The following CADPS variants were observed in gnomAD, a reference collection of about 807,000 sequenced individuals.
CADPS encodes the protein calcium-dependent secretion activator 1.
Under a neutral mutation model 167.3 loss-of-function variants are expected in CADPS, and 57 were observed. The observed-to-expected ratio is 0.34, with a 90% CI of 0.28 to 0.42. The LOEUF is 0.42. CADPS is among the 20% of genes least tolerant of loss of function. The probability of loss-of-function intolerance (pLI) is 1.00; values close to 1 mark genes in which losing one functional copy is unlikely to be tolerated. For synonymous variants in CADPS, 676 were observed against 635.3 expected, an observed-to-expected ratio of 1.06 and a Z score of -0.96; for missense variants, 1,414 against 1,738.1, an observed-to-expected ratio of 0.81 and a Z score of 3.32.
intron 3 of CADPS, among the ~76,000 whole-genome samples, chr3:62,678,422 G>T (rs1393986976): frequency 1.3e-5 from 2 of 151,928 alleles, no homozygotes; most frequent in African/African-American, 4.8e-5. Context: ...TAAGTTTTTA[G>T]GTTTGCTAAT....
chr3:62,857,339 T>G (rs867626249), intron 1 of CADPS, among the ~76,000 whole-genome samples: 18 of 152,092 alleles, frequency 1.2e-4, no homozygotes, highest in African/African-American at 3.9e-4. Context: ...TTTCTACAGA[T>G]GCTTTGGAAA....
chr3:62,623,556 A>G (rs1393492391), intron 6 of CADPS, among the ~76,000 whole-genome samples: 7 of 152,318 alleles, frequency 4.6e-5, no homozygotes, highest in Middle Eastern at 3.4e-3. Context: ...AGAAGATAAT[A>G]TGACCCAAGA....
rs1161683103 is a variant in CADPS, at chr3:62,512,780, A to G, written c.2582-12T>C. 1.2e-6 allele frequency: 2 copies of G among 1,604,000 alleles called. No homozygotes were observed. Among genetic ancestry groups the G allele is most frequent in the African/African-American group, 1.3e-5 (1 of 74,680 alleles). On this transcript the variant is annotated splice_polypyrimidine_tract_variant and intron_variant, in intron 16 of 29. Coordinates refer to ENST00000383710, the MANE Select transcript of CADPS (RefSeq NM_003716.4). ...ATCCTTTTGATTCTCTATTTGAAAGAGAGAGCACAACAAGGAGAGAAGAGA... is the reference window on the plus strand; with the variant it reads ...ATCCTTTTGATTCTCTATTTGAAAGGGAGAGCACAACAAGGAGAGAAGAGA...
At chr3:62,855,328 T>A (rs1159959101) in intron 1 of CADPS, among the ~76,000 whole-genome samples, 2 of 151,950 alleles carry the variant, frequency 1.3e-5, no homozygotes, top group African/African-American at 2.4e-5. Context: ...TCTTAAGACA[T>A]CCTTGATTTT....
Position 62,706,383 on chromosome 3 carries a change from G to A in CADPS, c.889-43989C>T, listed in dbSNP as rs148984601. On this transcript the variant is annotated intron_variant, in intron 3 of 29. Transcript: ENST00000383710. ...TTACTTTCCTCATTAATTTGATCAC[G>A]GACTTTGCAGTAGGGCCCTTTACCA... is the stretch of plus-strand genomic sequence containing the variant. 1.1e-4 allele frequency among the ~76,000 whole-genome samples: 17 copies of A among 152,080 alleles called. No homozygotes were observed. In the East Asian group the frequency reaches 1.4e-3, roughly 12 times the overall value.
At chr3:62,448,255 A>G (rs1347379543) in intron 26 of CADPS, among the ~76,000 whole-genome samples, 1 of 152,196 alleles carries the variant, frequency 6.6e-6, no homozygotes, top group African/African-American at 2.4e-5. Context: ...TGTGATGTTG[A>G]TGCTTAGCAG....
chr3:62,858,024 A>T (rs1386925656), intron 1 of CADPS, among the ~76,000 whole-genome samples: 2 of 152,230 alleles, frequency 1.3e-5, no homozygotes, highest in South Asian at 2.1e-4. Context: ...CAAAATAAAG[A>T]GTTAAGATTA....
intron 3 of CADPS, among the ~76,000 whole-genome samples, chr3:62,662,757 T>C (rs1031320918): frequency 6.6e-6 from 1 of 152,132 alleles, no homozygotes; most frequent in African/African-American, 2.4e-5. Context: ...ATATAACTAT[T>C]AGAAATGTCA....
chr3:62,666,326 G>A (rs910476559), intron 3 of CADPS, among the ~76,000 whole-genome samples: 7 of 152,136 alleles, frequency 4.6e-5, no homozygotes, highest in African/African-American at 1.2e-4. Flanking sequence ...GGCCATCCTC[G>A]CGTGAGGAGC....
chr3:62,849,298 A>G lies in CADPS; in HGVS notation c.441+25291T>C, dbSNP rs1026212621. On this transcript the variant is annotated intron_variant, in intron 1 of 29. Coordinates refer to ENST00000383710, the MANE Select transcript of CADPS (RefSeq NM_003716.4). ...TCTCCTGCCTGATTGCCCTGGCCAG[A>G]ACTTCCAACACTATGTTGAATAGGA... 3.7e-4 allele frequency among the ~76,000 whole-genome samples: 54 copies of G among 147,332 alleles called. 2 individuals are homozygous for G. Among genetic ancestry groups the G allele is most frequent in the African/African-American group, 1.3e-3 (51 of 39,766 alleles).
intron 6 of CADPS, among the ~76,000 whole-genome samples, chr3:62,596,416 G>A (rs1191697510): frequency 6.6e-6 from 1 of 151,754 alleles, no homozygotes; most frequent in Admixed American, 6.6e-5. Flanking sequence ...CAGGCTGGTT[G>A]CGAACTCCTG....
chr3:62,866,383 G>A (rs954398001), intron 1 of CADPS, among the ~76,000 whole-genome samples: 3 of 152,066 alleles, frequency 2.0e-5, no homozygotes, highest in East Asian at 3.9e-4. Context: ...TCAGTGTGAA[G>A]TCTCAACAGT....
At chr3:62,715,030 T>A (rs144784603) in intron 3 of CADPS, among the ~76,000 whole-genome samples, 6 of 152,338 alleles carry the variant, frequency 3.9e-5, no homozygotes, top group African/African-American at 1.4e-4. Flanking sequence ...TCATAACGGT[T>A]TCCTGCCTAT....
intron 3 of CADPS, among the ~76,000 whole-genome samples, chr3:62,690,682 A>G (rs1168892504): frequency 6.6e-6 from 1 of 151,836 alleles, no homozygotes; most frequent in Non-Finnish European, 1.5e-5. Context: ...AGAAACCTAA[A>G]TTAATGCTTA....
intron 1 of CADPS, among the ~76,000 whole-genome samples, chr3:62,867,308 T>C (rs1001805693): frequency 2.0e-5 from 3 of 152,030 alleles, no homozygotes; most frequent in African/African-American, 7.2e-5. Flanking sequence ...GATCCCATCA[T>C]TTACCAATTG....
intron 4 of CADPS, among the ~76,000 whole-genome samples, chr3:62,657,948 G>T (rs1451261957): frequency 6.6e-6 from 1 of 152,106 alleles, no homozygotes; most frequent in Non-Finnish European, 1.5e-5. Context: ...TGAATTCTAG[G>T]AGCCAAATCT....
chr3:62,592,358 C>T (rs2086243613), intron 7 of CADPS, among the ~76,000 whole-genome samples: 1 of 152,138 alleles, frequency 6.6e-6, no homozygotes, highest in Non-Finnish European at 1.5e-5. Context: ...AATCTTAACT[C>T]TAAAGGATGT....
At position 62,399,599 on chromosome 3, in the gene CADPS, A is replaced by C. The variant is rs772619002; in HGVS notation, c.3883-14T>G. Reference sequence around the variant, plus strand: ...TCTGTAGGTTTTCTAAGGAAGGAAAAGATACAGTGATAAGAGAGATCTCAT... The same window carrying C: ...TCTGTAGGTTTTCTAAGGAAGGAAACGATACAGTGATAAGAGAGATCTCAT... On this transcript the variant is annotated splice_polypyrimidine_tract_variant and intron_variant, in intron 29 of 29. Coordinates refer to ENST00000383710, the MANE Select transcript of CADPS (RefSeq NM_003716.4). The surrounding 1 kb of genome is among the most constrained non-coding windows in gnomAD (Gnocchi z 5.6). 9 of 1,610,054 alleles carry C rather than the reference A, an allele frequency of 5.6e-6. No homozygotes were observed. The highest frequency in any genetic ancestry group is 2.7e-5 in the African/African-American group (2 of 74,366).
intron 3 of CADPS, among the ~76,000 whole-genome samples, chr3:62,736,836 TTAAACTTAAAAAATCTAAGTAGC>T (rs1481586490): frequency 1.3e-5 from 2 of 152,172 alleles, no homozygotes; most frequent in Non-Finnish European, 2.9e-5. Flanking sequence ...TACAGATTTA[TTAAACTTAAAAAATCTAAGTAGC>T]TGGGCACAGT....
Sources: allele counts gnomAD v4.1 joint callset (sites outside exome capture counted in the v4.1 genomes callset), GRCh38; gene constraint gnomAD v4.1.1; non-coding constraint Gnocchi (gnomAD v3.1); transcripts MANE v1.5; gene names NCBI Gene and HGNC (gene_info 2026-07-23, HGNC 2026-07-21).